DMRT1: variants seen among roughly 807,000 people sequenced by gnomAD.
The protein encoded by DMRT1 is doublesex and mab-3 related transcription factor 1.
A neutral mutation model predicts 32.3 loss-of-function variants in DMRT1; 7 were observed. The observed-to-expected ratio is 0.22, with a 90% CI of 0.12 to 0.41. The LOEUF (loss-of-function observed/expected upper bound fraction) is 0.41. Among genes scored for constraint, DMRT1 ranks in the 10% least tolerant of loss-of-function variants. DMRT1 has a pLI of 1.00. For synonymous variants in DMRT1, 278 were observed against 206.1 expected (o/e 1.35, Z -2.99); for missense variants, 625 against 500.5 (o/e 1.25, Z -2.37).
chr9:961,978 C>A (rs934286885), intron 4 of DMRT1, among the ~76,000 whole-genome samples: 1 of 152,280 alleles, frequency 6.6e-6, no homozygotes, highest in East Asian at 1.9e-4. Context: ...AAGTCTAGGT[C>A]GTGTTTATTT....
At chr9:865,594 C>A (rs983428851) in intron 2 of DMRT1, among the ~76,000 whole-genome samples, 1 of 152,078 alleles carries the variant, frequency 6.6e-6, no homozygotes, top group Non-Finnish European at 1.5e-5. Flanking sequence ...TATGATTTAT[C>A]CTGTAGCAAT....
chr9:919,041 A>G (rs563240088), intron 4 of DMRT1, among the ~76,000 whole-genome samples: 7 of 152,270 alleles, frequency 4.6e-5, no homozygotes, highest in Non-Finnish European at 7.4e-5. Context: ...GAGGCTAGAG[A>G]CAGGAAATGA....
At chr9:935,898 C>A (rs1343521385) in intron 4 of DMRT1, among the ~76,000 whole-genome samples, 1 of 152,156 alleles carries the variant, frequency 6.6e-6, no homozygotes, top group Non-Finnish European at 1.5e-5. Flanking sequence ...TGCTGTGAAA[C>A]CAGAGAGGAA....
chr9:931,708 C>G (rs151296459), intron 4 of DMRT1, among the ~76,000 whole-genome samples: 1 of 152,270 alleles, frequency 6.6e-6, no homozygotes, highest in East Asian at 1.9e-4. Context: ...GAGTTCTGGT[C>G]TCTCTTCTTC....
chr9:866,273 C>G (rs1815982887), intron 2 of DMRT1, among the ~76,000 whole-genome samples: 1 of 151,038 alleles, frequency 6.6e-6, no homozygotes, highest in Admixed American at 6.6e-5. Flanking sequence ...AAAGCACCAT[C>G]AATGCACATT....
intron 4 of DMRT1, among the ~76,000 whole-genome samples, chr9:933,509 G>A (rs1586636319): frequency 6.6e-6 from 1 of 152,196 alleles, no homozygotes; most frequent in Non-Finnish European, 1.5e-5. Flanking sequence ...GAATGGAGCA[G>A]GGTGACCTTA....
intron 2 of DMRT1, among the ~76,000 whole-genome samples, chr9:866,467 C>T (rs546804047): frequency 6.6e-6 from 1 of 151,970 alleles, no homozygotes; most frequent in Non-Finnish European, 1.5e-5. Context: ...GACTCATTTA[C>T]CCCGTTGTGG....
chr9:866,450 C>A (rs10815919), intron 2 of DMRT1, among the ~76,000 whole-genome samples: 31 of 152,082 alleles, frequency 2.0e-4, no homozygotes, highest in African/African-American at 7.5e-4. Flanking sequence ...TGATCCATTG[C>A]AAAAGGGACT....
chr9:855,679 G>C (rs1335953156), intron 2 of DMRT1, among the ~76,000 whole-genome samples: 1 of 152,186 alleles, frequency 6.6e-6, no homozygotes, highest in African/African-American at 2.4e-5. Flanking sequence ...GAATGCAGTG[G>C]TGCCATCTTG....
At chr9:917,155 C>T (rs1448878781) in intron 4 of DMRT1, among the ~76,000 whole-genome samples, 1 of 151,894 alleles carries the variant, frequency 6.6e-6, no homozygotes, top group Admixed American at 6.6e-5. Flanking sequence ...AGAGACTCTC[C>T]CTTGGAAGCT....
intron 2 of DMRT1, among the ~76,000 whole-genome samples, chr9:858,509 C>T (rs572341258): frequency 1.0e-4 from 15 of 149,368 alleles, no homozygotes; most frequent in African/African-American, 3.6e-4. Context: ...GCCTTTTTGT[C>T]CTCTTTTTAT....
At chr9:885,765 G>T (rs1202934741) in intron 2 of DMRT1, among the ~76,000 whole-genome samples, 1 of 152,144 alleles carries the variant, frequency 6.6e-6, no homozygotes, top group Non-Finnish European at 1.5e-5. Flanking sequence ...TTCTGCAGTG[G>T]AGCCTTCGCA....
chr9:886,506 G>A (rs975347254), intron 2 of DMRT1, among the ~76,000 whole-genome samples: 5 of 151,916 alleles, frequency 3.3e-5, no homozygotes, highest in South Asian at 2.1e-4. Context: ...TCCACCCGCC[G>A]CAGCCTCCCA....
chr9:852,847 AATATTGAAGGGGCCTTTCCTTC>A (rs1319784857), intron 2 of DMRT1, among the ~76,000 whole-genome samples: 4 of 152,192 alleles, frequency 2.6e-5, no homozygotes, highest in African/African-American at 9.7e-5. Flanking sequence ...GTCTGTGTCT[AATATTGAAGGGGCCTTTCCTTC>A]ACTTTTCTTC....
At chr9:881,122 C>T (rs960159853) in intron 2 of DMRT1, among the ~76,000 whole-genome samples, 8 of 152,098 alleles carry the variant, frequency 5.3e-5, no homozygotes, top group Non-Finnish European at 7.4e-5. Flanking sequence ...CCCCCCACCT[C>T]CTCCTCCTGT....
At chr9:955,459 C>T (rs1357301172) in intron 4 of DMRT1, among the ~76,000 whole-genome samples, 1 of 152,138 alleles carries the variant, frequency 6.6e-6, no homozygotes. Flanking sequence ...AATCCCAGCA[C>T]TTTGGGAGGC....
chr9:888,954 C>T (rs1037372081), intron 2 of DMRT1, among the ~76,000 whole-genome samples: 3 of 149,442 alleles, frequency 2.0e-5, no homozygotes, highest in African/African-American at 7.5e-5. Flanking sequence ...TGGTGAGACC[C>T]CATCTGTATT....
chr9:967,177 TGG>T (rs1819956540), intron 4 of DMRT1, among the ~76,000 whole-genome samples: 1 of 152,140 alleles, frequency 6.6e-6, no homozygotes, highest in Admixed American at 6.6e-5. Context: ...GTTCTGGGGG[TGG>T]ATCTAAACTC....
At chr9:856,182 G>T (rs1290020079) in intron 2 of DMRT1, among the ~76,000 whole-genome samples, 1 of 152,156 alleles carries the variant, frequency 6.6e-6, no homozygotes, top group African/African-American at 2.4e-5. Context: ...CTCCCAAAGT[G>T]CTGGGATTAC....
Sources: gnomAD v4.1 joint callset for allele counts (sites outside exome capture counted in the v4.1 genomes callset) on GRCh38, gnomAD v4.1.1 for gene constraint, MANE v1.5 for transcripts, NCBI Gene and HGNC (gene_info 2026-07-23, HGNC 2026-07-21) for gene names.